Variants in STK3 observed in about 807,000 individuals in gnomAD.
STK3 encodes the protein serine/threonine-protein kinase 3.
Under a neutral mutation model 58.0 loss-of-function variants are expected in STK3, and 41 were observed. The ratio of observed to expected loss-of-function variants is 0.71; its 90% CI spans 0.55 to 0.92. STK3 has a LOEUF of 0.92. STK3 is among the 40% of genes least tolerant of loss of function. STK3 has a pLI of 0.00. For missense variants in STK3, 479 were observed against 602.7 expected (o/e 0.79, Z 2.15); for synonymous variants, 170 against 191.0 (o/e 0.89, Z 0.91).
At chr8:98,461,827 G>A (rs1486022428) in intron 10 of STK3, among the ~76,000 whole-genome samples, 1 of 152,218 alleles carries the variant, frequency 6.6e-6, no homozygotes, top group East Asian at 1.9e-4. Context: ...CTTCTGGCTT[G>A]TAAGGTTTGT....
At chr8:98,352,941 T>C in the STK3 span, among the ~76,000 whole-genome samples, 4,709 of 152,322 alleles carry the variant, frequency 0.031, 146 homozygotes, top group East Asian at 0.14. Flanking sequence ...GTGTCAATGA[T>C]ATACTTTTTG....
At chr8:98,743,293 A>G (rs1829370100) in intron 4 of STK3, among the ~76,000 whole-genome samples, 1 of 152,116 alleles carries the variant, frequency 6.6e-6, no homozygotes, top group South Asian at 2.1e-4. Context: ...CCTAAGCCAA[A>G]AGAACAAAGC....
intron 7 of STK3, among the ~76,000 whole-genome samples, chr8:98,581,856 T>C (rs538837211): frequency 6.6e-6 from 1 of 152,148 alleles, no homozygotes; most frequent in African/African-American, 2.4e-5. Flanking sequence ...TTGTTTTATA[T>C]ACTTACAATG....
chr8:98,703,951 T>C (rs576836890), intron 6 of STK3, among the ~76,000 whole-genome samples: 1 of 152,354 alleles, frequency 6.6e-6, no homozygotes, highest in African/African-American at 2.4e-5. Flanking sequence ...TTATTAATTC[T>C]ATTAAATTTC....
At chr8:98,545,825 C>T (rs938718802) in intron 9 of STK3, among the ~76,000 whole-genome samples, 1 of 152,154 alleles carries the variant, frequency 6.6e-6, no homozygotes, top group Non-Finnish European at 1.5e-5. Flanking sequence ...GCTGAGACCT[C>T]ATACCAACTA....
intron 6 of STK3, among the ~76,000 whole-genome samples, chr8:98,694,562 C>G (rs1424527476): frequency 6.6e-6 from 1 of 152,134 alleles, no homozygotes; most frequent in East Asian, 1.9e-4. Flanking sequence ...CATATGTTCT[C>G]ATTGTTCAAT....
intron 8 of STK3, among the ~76,000 whole-genome samples, chr8:98,550,808 G>A (rs1045494693): frequency 6.6e-6 from 1 of 152,082 alleles, no homozygotes; most frequent in African/African-American, 2.4e-5. Flanking sequence ...AAATAAAAAG[G>A]TAAGCAAAAT....
chr8:98,351,191 T>G, the STK3 span, among the ~76,000 whole-genome samples: 1 of 152,190 alleles, frequency 6.6e-6, no homozygotes, highest in Non-Finnish European at 1.5e-5. Context: ...TAAGAAGTCT[T>G]CTAGAGCACA....
At chr8:98,577,446 C>T (rs1338586948) in intron 8 of STK3, among the ~76,000 whole-genome samples, 2 of 152,120 alleles carry the variant, frequency 1.3e-5, no homozygotes, top group Non-Finnish European at 2.9e-5. Context: ...AAGATCATGC[C>T]ACTGCAATCC....
chr8:98,665,048 A>G (rs1489635793), intron 6 of STK3, among the ~76,000 whole-genome samples: 1 of 152,214 alleles, frequency 6.6e-6, no homozygotes, highest in East Asian at 1.9e-4. Flanking sequence ...CAAGGTACTC[A>G]GCACTAAGAA....
intron 10 of STK3, among the ~76,000 whole-genome samples, chr8:98,477,467 T>G (rs1821416068): frequency 6.6e-6 from 1 of 151,900 alleles, no homozygotes; most frequent in Non-Finnish European, 1.5e-5. Flanking sequence ...GCAGCCATGG[T>G]GCACCCTCAA....
At chr8:98,360,551 A>G in the STK3 span, among the ~76,000 whole-genome samples, 3 of 151,846 alleles carry the variant, frequency 2.0e-5, no homozygotes, top group African/African-American at 7.3e-5. Context: ...CAAGCCCCCA[A>G]CAAACAGTAA....
intron 6 of STK3, among the ~76,000 whole-genome samples, chr8:98,702,294 T>C (rs1587355380): frequency 6.6e-6 from 1 of 152,212 alleles, no homozygotes; most frequent in Non-Finnish European, 1.5e-5. Context: ...CTAAAGCATA[T>C]AAAACAAATG....
At chr8:98,541,372 T>C (rs1460882928) in intron 9 of STK3, among the ~76,000 whole-genome samples, 1 of 152,090 alleles carries the variant, frequency 6.6e-6, no homozygotes, top group African/African-American at 2.4e-5. Context: ...CCACCCGCTT[T>C]GCTCTTTCTC....
intron 3 of STK3, among the ~76,000 whole-genome samples, chr8:98,831,515 C>G (rs1299860305): frequency 6.6e-6 from 1 of 152,160 alleles, no homozygotes; most frequent in South Asian, 2.1e-4. Flanking sequence ...CCTTAGCCTC[C>G]CATAGTGCTG....
At chr8:98,445,108 G>A (rs746176245) in intron 1 of STK3, among the ~76,000 whole-genome samples, 7 of 152,006 alleles carry the variant, frequency 4.6e-5, no homozygotes, top group Non-Finnish European at 7.4e-5. Context: ...TTTTTAAAGC[G>A]TACAGTTCCA....
intron 1 of STK3, among the ~76,000 whole-genome samples, chr8:98,792,460 G>A (rs1832864192): frequency 6.6e-6 from 1 of 152,228 alleles, no homozygotes; most frequent in African/African-American, 2.4e-5. Context: ...ACTTTGGGAG[G>A]CCGAGGTGGG....
chr8:98,475,389 C>A (rs1821231363), intron 10 of STK3, among the ~76,000 whole-genome samples: 1 of 152,130 alleles, frequency 6.6e-6, no homozygotes. Context: ...ACAGAGATGG[C>A]CTATTTAACT....
intron 6 of STK3, among the ~76,000 whole-genome samples, chr8:98,613,296 G>A (rs768183217): frequency 9.9e-5 from 15 of 152,154 alleles, no homozygotes; most frequent in East Asian, 1.9e-4. Context: ...TGGGGAAATA[G>A]GTCCTGTTTT....
Sources: allele counts gnomAD v4.1 joint callset (sites outside exome capture counted in the v4.1 genomes callset), GRCh38; gene constraint gnomAD v4.1.1; transcripts MANE v1.5; gene names NCBI Gene and HGNC (gene_info 2026-07-23, HGNC 2026-07-21).